The following CAMSAP2 variants were observed in gnomAD, a reference collection of about 807,000 sequenced individuals.
CAMSAP2 encodes calmodulin-regulated spectrin-associated protein 2.
A neutral mutation model predicts 146.1 loss-of-function variants in CAMSAP2; 26 were observed. The observed-to-expected ratio is 0.18, with a 90% CI of 0.13 to 0.25. The LOEUF is 0.25. CAMSAP2 is among the 10% of genes least tolerant of loss of function. The pLI is 1.00. For missense variants in CAMSAP2, 1,381 were observed against 1,759.3 expected (o/e 0.78, Z 3.85); for synonymous variants, 499 against 596.6 (o/e 0.84, Z 2.38).
chr1:200,776,775 A>G (rs1665293007), intron 2 of CAMSAP2, among the ~76,000 whole-genome samples: 1 of 152,206 alleles, frequency 6.6e-6, no homozygotes, highest in South Asian at 2.1e-4. Flanking sequence ...TTCATGAAAA[A>G]GGAAGCTTTT....
In CAMSAP2 at chr1:200,848,730, C is replaced by G. The variant is rs201652870; in HGVS notation, c.1961C>G (p.Thr654Ser). 12 of 1,614,176 alleles carry G rather than the reference C, an allele frequency of 7.4e-6. No homozygotes were observed. The Admixed American group carries it at 1.5e-4, about 20-fold the overall frequency. Residue 654 changes from threonine to serine, a missense_variant, in exon 11 of 17, where the codon ACT (threonine) becomes AGT (serine). Physicochemically the swap from Thr to Ser is moderately conservative, Grantham distance 58 (BLOSUM62 1). Around this residue, in one of 4 missense-constraint regions of CAMSAP2, gnomAD observed 447 missense variants for 462.2 expected, o/e 0.97. Coordinates refer to ENST00000358823, the MANE Select transcript of CAMSAP2 (RefSeq NM_203459.4). The part of the protein sequence containing the change: ...SKFLQDYDIR[T>S]GNTREALSPC... ...TTTCTTCAGGATTATGATATTCGAA[C>G]TGGCAACACCAGGGAAGCTTTGAGT...
In CAMSAP2 at chr1:200,739,785, G is replaced by A. The variant is rs1178486781; in HGVS notation, c.-43G>A. 4 of 1,595,888 alleles carry A rather than the reference G, an allele frequency of 2.5e-6. No homozygotes were observed. The Admixed American group carries it at 5.2e-5, about 21-fold the overall frequency. On this transcript the variant is annotated 5_prime_UTR_variant, in exon 1 of 17. In the 5' UTR this introduces an upstream ATG that the reference lacks. Transcript: ENST00000358823. The surrounding 1 kb of genome is among the most constrained non-coding windows in gnomAD (Gnocchi z 4.8). ...CCCCGTGGTGGCGAGGCCACGCCATGTGAAGGTTAGGGCCGGGACATCCCG... is the reference window on the plus strand; with the variant it reads ...CCCCGTGGTGGCGAGGCCACGCCATATGAAGGTTAGGGCCGGGACATCCCG...
At chr1:200,813,012 A>G (rs939270984) in intron 3 of CAMSAP2, among the ~76,000 whole-genome samples, 3 of 152,226 alleles carry the variant, frequency 2.0e-5, no homozygotes, top group African/African-American at 4.8e-5. Flanking sequence ...GTTACTTCTT[A>G]AAGAAATTGT....
chr1:200,846,424 GTC>G (rs1181186854), intron 8 of CAMSAP2, among the ~76,000 whole-genome samples: 1 of 152,070 alleles, frequency 6.6e-6, no homozygotes, highest in Non-Finnish European at 1.5e-5. Flanking sequence ...TCTCTTTTCT[GTC>G]TCTCAGACAT....
intron 3 of CAMSAP2, among the ~76,000 whole-genome samples, chr1:200,810,591 A>AG (rs1666303434): frequency 6.6e-6 from 1 of 151,136 alleles, no homozygotes; most frequent in African/African-American, 2.4e-5. Context: ...AAAAAAAAAA[A>AG]GAATACAGAC....
chr1:200,753,554 A>G (rs1664567776), intron 1 of CAMSAP2, among the ~76,000 whole-genome samples: 1 of 152,086 alleles, frequency 6.6e-6, no homozygotes, highest in Non-Finnish European at 1.5e-5. Flanking sequence ...AGATCCTTAC[A>G]TGGGTGCTGG....
At chr1:200,856,433 C>T (rs1010791892) in intron 15 of CAMSAP2, among the ~76,000 whole-genome samples, 2 of 152,152 alleles carry the variant, frequency 1.3e-5, no homozygotes, top group African/African-American at 4.8e-5. Flanking sequence ...CAAGTCCTCT[C>T]CCTAATACTG....
intron 2 of CAMSAP2, among the ~76,000 whole-genome samples, chr1:200,807,162 CT>C (rs1446267804): frequency 6.6e-6 from 1 of 152,066 alleles, no homozygotes; most frequent in Non-Finnish European, 1.5e-5. Context: ...TAATGAGTAT[CT>C]TAAATATAGA....
At chr1:200,787,336 A>G (rs977370236) in intron 2 of CAMSAP2, among the ~76,000 whole-genome samples, 1 of 152,258 alleles carries the variant, frequency 6.6e-6, no homozygotes, top group African/African-American at 2.4e-5. Flanking sequence ...CAAAATATCA[A>G]CATGAACAGG....
chr1:200,850,225 C>A lies in CAMSAP2; in HGVS notation c.3456C>A (p.Phe1152Leu). The A allele has an allele frequency of 6.3e-7, 1 of 1,579,952 alleles. No homozygotes were observed. Among genetic ancestry groups the A allele is most frequent in the South Asian group, 1.2e-5 (1 of 85,170 alleles). Residue 1152 changes from phenylalanine to leucine, a missense_variant, in exon 11 of 17, where the codon TTC becomes TTA. By Grantham distance (22) the Phe-to-Leu change is conservative. Coordinates refer to ENST00000358823, the MANE Select transcript of CAMSAP2 (RefSeq NM_203459.4). ...ATGACCAGAAAGTATGCTGTGGATT[C>A]TTTTTTAAGGTGTAGTATTAATCTG... ...FDDDQKVCCG[F>L]FFKDDQKAEN...
Position 200,739,833 on chromosome 1 carries a change from G to A in CAMSAP2, c.6G>A (p.Gly2=), listed in dbSNP as rs975431634. The A allele has an allele frequency of 6.2e-7, 1 of 1,613,816 alleles. No individual in the cohort carries two copies. The highest frequency in any genetic ancestry group is 8.5e-7 in the Non-Finnish European group (1 of 1,179,828). The change falls in exon 1 of 17, where the codon GGG becomes GGA. Residue 2 remains glycine, a synonymous_variant. Transcript: ENST00000358823. This position sits in a 1 kb window ranked among gnomAD's most constrained non-coding sequence, Gnocchi z 4.8. ...CCGAGGAGCCGCGGTGAAAGATGGG[G>A]GATGCTGCAGACCCCAGGGAGATGA... The part of the protein sequence containing the change: M[G]DAADPREMRK...
In CAMSAP2 at chr1:200,832,700, T is replaced by C; in HGVS notation, c.788-6T>C. ...AGTCACCACCTTGCTCTTTTCTTAT[T>C]TGAAGATATTTGTTTGAAAGAAACT... On this transcript the variant is annotated splice_polypyrimidine_tract_variant and splice_region_variant and intron_variant, in intron 5 of 16. Transcript: ENST00000358823. The surrounding 1 kb of genome is among the most constrained non-coding windows in gnomAD (Gnocchi z 4.2). The C allele has an allele frequency of 1.3e-6, 2 of 1,589,600 alleles. No homozygotes were observed. Among genetic ancestry groups the C allele is most frequent in the Non-Finnish European group, 1.7e-6 (2 of 1,170,620 alleles).
chr1:200,756,858 A>G (rs1046240769), intron 1 of CAMSAP2, among the ~76,000 whole-genome samples: 2 of 152,186 alleles, frequency 1.3e-5, no homozygotes, highest in African/African-American at 4.8e-5. Context: ...TAGGCCCTAG[A>G]GATTCATATC....
In CAMSAP2 at chr1:200,847,192, A is replaced by G. The variant is rs765730523; in HGVS notation, c.1110-18A>G. On this transcript the variant is annotated intron_variant, in intron 8 of 16. Transcript: ENST00000358823. ...AAACAGCTAAAATATAACATTTTAA[A>G]TTTATTTTCCATTGCAGTGGGGAAG... 4.4e-6 allele frequency: 7 copies of G among 1,574,750 alleles called. No homozygotes were observed. Among genetic ancestry groups the G allele is most frequent in the Admixed American group, 1.7e-5 (1 of 57,262 alleles).
chr1:200,752,619 CT>C (rs770066342), intron 1 of CAMSAP2, among the ~76,000 whole-genome samples: 290 of 142,376 alleles, frequency 2.0e-3, no homozygotes, highest in Middle Eastern at 3.6e-3. Context: ...GTCATGTCTC[CT>C]TTTTTTTTTT....
At chr1:200,765,165 A>G (rs1664911769) in intron 2 of CAMSAP2, among the ~76,000 whole-genome samples, 2 of 152,024 alleles carry the variant, frequency 1.3e-5, no homozygotes, top group Non-Finnish European at 1.5e-5. Flanking sequence ...ATTTCTCTCA[A>G]TCTCCACCCC....
At chr1:200,807,656 T>A in intron 3 of CAMSAP2, 119 bp downstream of exon 3, 1 of 668,712 alleles carries the variant, frequency 1.5e-6, no homozygotes, top group Admixed American at 3.6e-5. Flanking sequence ...ACTTAAGTTG[T>A]AAAATACACT....
chr1:200,816,883 CGT>C lies in CAMSAP2; in HGVS notation c.645+1244_645+1245del, dbSNP rs201969565. On this transcript the variant is annotated intron_variant, in intron 4 of 16. Coordinates refer to ENST00000358823, the MANE Select transcript of CAMSAP2 (RefSeq NM_203459.4). ...GTGTGTATGTGTGTACACACACACG[CGT>C]GTGTATGTGTGTACACACACACGCG... 3.2e-5 allele frequency among the ~76,000 whole-genome samples: 2 copies of C among 63,190 alleles called. 1 individual carries two copies. Among genetic ancestry groups the C allele is most frequent in the Non-Finnish European group, 6.3e-5 (2 of 31,868 alleles). 41.5% of individuals were successfully genotyped at this position (63,190 alleles called of 152,430 possible). A position where few individuals can be genotyped will look rare whatever the true frequency, so the allele number is the denominator to read the frequency against.
intron 2 of CAMSAP2, among the ~76,000 whole-genome samples, chr1:200,798,794 G>T (rs1186027292): frequency 6.8e-6 from 1 of 146,462 alleles, no homozygotes; most frequent in Non-Finnish European, 1.5e-5. Flanking sequence ...GTATGATATT[G>T]GCTGTGGGTT....
Sources: gnomAD v4.1 joint callset for allele counts (sites outside exome capture counted in the v4.1 genomes callset) on GRCh38, gnomAD v4.1.1 for gene constraint, gnomAD v4.1.1 regional missense constraint, Gnocchi (gnomAD v3.1) non-coding constraint, MANE v1.5 for transcripts, NCBI Gene and HGNC (gene_info 2026-07-23, HGNC 2026-07-21) for gene names.